Variants in ACACB observed in about 807,000 individuals in gnomAD.
ACACB encodes the protein acetyl-CoA carboxylase beta.
Under a neutral mutation model 278.8 loss-of-function variants are expected in ACACB, and 209 were observed. The observed-to-expected ratio is 0.75, with a 90% CI of 0.67 to 0.84. The LOEUF is 0.84. Ranked by LOEUF, ACACB falls within the 40% of genes least tolerant of loss-of-function variation. The pLI is 0.00. For synonymous variants in ACACB, 1,174 were observed against 1,285.6 expected, an observed-to-expected ratio of 0.91 and a Z score of 1.86; for missense variants, 2,850 against 3,269.0, an observed-to-expected ratio of 0.87 and a Z score of 3.13.
chr12:109,134,646 C>T (rs919960754), intron 1 of ACACB, among the ~76,000 whole-genome samples: 2 of 152,010 alleles, frequency 1.3e-5, no homozygotes, highest in African/African-American at 2.4e-5. Context: ...AGACTTTGTC[C>T]CCAGAGGTTC....
intron 21 of ACACB, among the ~76,000 whole-genome samples, chr12:109,210,133 GTGTA>G (rs2045696027): frequency 1.7e-5 from 1 of 57,638 alleles, no homozygotes; most frequent in African/African-American, 5.9e-5. Context: ...ACATGTATGT[GTGTA>G]TATATGTATA....
intron 15 of ACACB, among the ~76,000 whole-genome samples, chr12:109,192,366 C>T (rs575431961): frequency 2.6e-5 from 4 of 152,250 alleles, no homozygotes; most frequent in East Asian, 1.9e-4. Flanking sequence ...AGCAACCAGG[C>T]GATCTCTGTT....
chr12:109,259,136 C>T lies in ACACB; in HGVS notation c.6496+28C>T, dbSNP rs200517738. On this transcript the variant is annotated intron_variant, in intron 47 of 52. Transcript: ENST00000338432. ...AAGCCCCTCCCTGCCTATGTTACCCCAAAGCCTTGGGGTCAGCACCCAGGA... is the reference window on the plus strand; with the variant it reads ...AAGCCCCTCCCTGCCTATGTTACCCTAAAGCCTTGGGGTCAGCACCCAGGA... The T allele has an allele frequency of 3.7e-5, 59 of 1,611,668 alleles. No individual in the cohort carries two copies. In the African/African-American group the frequency reaches 7.7e-4, roughly 21 times the overall value.
At chr12:109,262,842 C>A (rs2136851345) in intron 49 of ACACB, among the ~76,000 whole-genome samples, 1 of 150,444 alleles carries the variant, frequency 6.6e-6, no homozygotes, top group East Asian at 2.0e-4. Context: ...TTCTCAAACT[C>A]CTGGGCTCAA....
chr12:109,210,193 GTATA>G (rs60316094), intron 21 of ACACB, among the ~76,000 whole-genome samples: 6,127 of 23,738 alleles, frequency 0.26, 1,624 homozygotes, highest in Non-Finnish European at 0.35. Flanking sequence ...ACACACGTGT[GTATA>G]TGTATATATG....
intron 28 of ACACB, among the ~76,000 whole-genome samples, chr12:109,230,067 G>A (rs2046424239): frequency 6.6e-6 from 1 of 152,202 alleles, no homozygotes; most frequent in Admixed American, 6.5e-5. Flanking sequence ...ATGTCATTGT[G>A]ATTTGGGAGT....
At chr12:109,120,604 AG>A (rs764470624) in intron 1 of ACACB, among the ~76,000 whole-genome samples, 8 of 152,150 alleles carry the variant, frequency 5.3e-5, no homozygotes, top group African/African-American at 1.4e-4. Flanking sequence ...ACTGTCTCCC[AG>A]GGTTCTGGAT....
Position 109,242,530 on chromosome 12 carries a change from C to T in ACACB, c.5116C>T (p.Arg1706Ter), listed in dbSNP as rs774503137. ...YVTKDLLQAK[R>*]FQAQTLGTTY... ...CACCAAGGATCTGCTCCAGGCCAAG[C>T]GATTCCAGGCCCAGACCCTGGGAAC... Residue 1706 changes from arginine to a stop codon, truncating the protein, a stop_gained, in exon 37 of 53, where the codon CGA (arginine) becomes TGA (stop). Coordinates refer to ENST00000338432, the MANE Select transcript of ACACB (RefSeq NM_001093.4). LOFTEE classifies it high-confidence loss of function. 9 of 1,614,138 alleles carry T rather than the reference C, an allele frequency of 5.6e-6. No individual in the cohort carries two copies. The highest frequency in any genetic ancestry group is 1.7e-5 in the Admixed American group (1 of 60,022).
At chr12:109,183,191 A>G (rs1236833176) in intron 11 of ACACB, among the ~76,000 whole-genome samples, 1 of 152,012 alleles carries the variant, frequency 6.6e-6, no homozygotes, top group African/African-American at 2.4e-5. Context: ...TAGCTCTGTA[A>G]TATAACTCAT....
intron 40 of ACACB, among the ~76,000 whole-genome samples, chr12:109,248,659 C>T (rs2047013640): frequency 6.6e-6 from 1 of 152,136 alleles, no homozygotes; most frequent in Admixed American, 6.5e-5. Flanking sequence ...TTTCTAGCCG[C>T]GCTGGCAGCT....
At chr12:109,185,826 C>A (rs777057390) in intron 12 of ACACB, 86 bp downstream of exon 12, 88 of 1,365,592 alleles carry the variant, frequency 6.4e-5, no homozygotes, top group Non-Finnish European at 6.9e-5. Flanking sequence ...GAAGAGACAC[C>A]CACAAGCTAT....
chr12:109,215,009 T>C (rs1395612198), intron 22 of ACACB, among the ~76,000 whole-genome samples: 1 of 151,800 alleles, frequency 6.6e-6, no homozygotes, highest in Admixed American at 6.6e-5. Context: ...GGTGAGAGGA[T>C]TGCTTGAGCC....
intron 2 of ACACB, among the ~76,000 whole-genome samples, chr12:109,158,418 A>G (rs1393201037): frequency 2.0e-5 from 3 of 147,776 alleles, no homozygotes; most frequent in Non-Finnish European, 4.5e-5. Flanking sequence ...ATGGTGGCTT[A>G]TGTCTATAGT....
the ACACB span, chr12:109,111,322 G>A: frequency 6.6e-6 from 1 of 152,268 alleles, no homozygotes; most frequent in Admixed American, 6.5e-5. Context: ...TCGTGGCTAC[G>A]TTCTGCCAAG....
rs758828359 is a variant in ACACB, at chr12:109,222,574, A to T, written c.3632A>T (p.Gln1211Leu). Residue 1211 changes from glutamine (Q) to leucine (L), a missense_variant, in exon 25 of 53, where the codon CAG (glutamine) becomes CTG (leucine). Physicochemically the swap from Gln to Leu is moderately radical, Grantham distance 113 (BLOSUM62 -2). This residue lies in a region of ACACB where 2,265 missense variants were observed against 2,561.3 expected (regional missense o/e 0.88). Transcript: ENST00000338432. ...ELISILNELT[Q>L]LSKSEHCKVA... Reference sequence around the variant, plus strand: ...ATCTCCATCCTCAACGAGCTCACTCAGCTGAGCAAAAGCGAGCACTGCAAA... The same window carrying T: ...ATCTCCATCCTCAACGAGCTCACTCTGCTGAGCAAAAGCGAGCACTGCAAA... 1.2e-6 allele frequency: 2 copies of T among 1,614,168 alleles called. No individual in the cohort carries two copies. Among genetic ancestry groups the T allele is most frequent in the Middle Eastern group, 1.6e-4 (1 of 6,062 alleles).
chr12:109,259,583 C>CAA lies in ACACB; in HGVS notation c.6496+484_6496+485dup, dbSNP rs555119482. Among the ~76,000 whole-genome samples, 952 of 142,316 alleles carry CAA rather than the reference C, an allele frequency of 6.7e-3. 15 individuals are homozygous for CAA. Among genetic ancestry groups the CAA allele is most frequent in the African/African-American group, 0.023 (841 of 36,190 alleles). 93.4% of individuals were successfully genotyped at this position (142,316 alleles called of 152,430 possible). ...CATCTCAAAAAAAAAAACAAAAAAA[C>CAA]AAAAAAAAAACAATGAGGAACTGAG... On this transcript the variant is annotated intron_variant, in intron 47 of 52. Transcript: ENST00000338432.
intron 11 of ACACB, among the ~76,000 whole-genome samples, chr12:109,185,095 C>G (rs1422499110): frequency 6.6e-6 from 1 of 152,206 alleles, no homozygotes; most frequent in African/African-American, 2.4e-5. Flanking sequence ...TGGCAGAATA[C>G]TACACAGGTG....
At chr12:109,194,512 A>ATGTGTGTGCGTGTGTGTG (rs1555218202) in intron 16 of ACACB, among the ~76,000 whole-genome samples, 16 of 88,818 alleles carry the variant, frequency 1.8e-4, no homozygotes, top group African/African-American at 6.0e-4. Flanking sequence ...CTGTGTGTGC[A>ATGTGTGTGCGTGTGTGTG]TGTGTGTGTG....
chr12:109,243,850 A>G (rs996983512), intron 37 of ACACB, among the ~76,000 whole-genome samples: 2 of 150,438 alleles, frequency 1.3e-5, no homozygotes, highest in African/African-American at 2.4e-5. Flanking sequence ...ATGTCTCTTC[A>G]TTTTCCAGGA....
Sources: allele counts gnomAD v4.1 joint callset (sites outside exome capture counted in the v4.1 genomes callset), GRCh38; gene constraint gnomAD v4.1.1; regional missense constraint gnomAD v4.1.1; transcripts MANE v1.5; gene names NCBI Gene and HGNC (gene_info 2026-07-23, HGNC 2026-07-21).